PBX1: variants seen among roughly 807,000 people sequenced by gnomAD.
The protein encoded by PBX1 is pre-B-cell leukemia transcription factor 1.
In PBX1, 6 loss-of-function variants were observed where a neutral mutation model predicts 53.4. That is an observed-to-expected ratio of 0.11 (90% confidence interval 0.06 to 0.22). PBX1 has a LOEUF of 0.22. Among genes scored for constraint, PBX1 ranks in the 10% least tolerant of loss-of-function variants. The probability of loss-of-function intolerance (pLI) is 1.00; values close to 1 mark genes in which losing one functional copy is unlikely to be tolerated. For missense variants in PBX1, 251 were observed against 551.4 expected (o/e 0.46, Z 5.46); for synonymous variants, 204 against 212.3 (o/e 0.96, Z 0.34).
rs1667909180 is a variant in PBX1, at chr1:164,781,007, T to C, written c.266-11487T>C. Among the ~76,000 whole-genome samples the C allele has an allele frequency of 1.3e-5, 2 of 152,188 alleles. 1 individual carries two copies. The highest frequency in any genetic ancestry group is 4.1e-4 in the South Asian group (2 of 4,830). On this transcript the variant is annotated intron_variant, in intron 2 of 8. Transcript: ENST00000420696. ...CTGCTTTTCATGCAGCCTGTTTGCC[T>C]GTGTGTTCCGTGGCTCCTTGTGTCT... is the stretch of plus-strand genomic sequence containing the variant.
At chr1:164,885,400 G>T (rs1672754552) in intron 2 of PBX1, among the ~76,000 whole-genome samples, 1 of 152,186 alleles carries the variant, frequency 6.6e-6, no homozygotes, top group African/African-American at 2.4e-5. Context: ...CTGGAAGCAG[G>T]GATGGTGGAG....
intron 2 of PBX1, among the ~76,000 whole-genome samples, chr1:164,600,886 C>T (rs1471089541): frequency 6.6e-6 from 1 of 152,164 alleles, no homozygotes; most frequent in Non-Finnish European, 1.5e-5. Flanking sequence ...TTGTCATCTT[C>T]ATACCTGAGG....
chr1:164,798,617 C>T (rs1436363637), intron 3 of PBX1, among the ~76,000 whole-genome samples: 2 of 152,208 alleles, frequency 1.3e-5, no homozygotes, highest in African/African-American at 4.8e-5. Flanking sequence ...TGGAAATGTC[C>T]CTTCAGCTCT....
intron 6 of PBX1, chr1:164,814,621 T>G (rs1196690637): frequency 1.3e-5 from 2 of 152,298 alleles, no homozygotes; most frequent in Non-Finnish European, 2.9e-5. Context: ...GCACCTGTAG[T>G]TCCAGCTACT....
At chr1:164,846,329 G>C (rs1163518921) in intron 8 of PBX1, among the ~76,000 whole-genome samples, 1 of 152,124 alleles carries the variant, frequency 6.6e-6, no homozygotes, top group Non-Finnish European at 1.5e-5. Flanking sequence ...TAATTACAGA[G>C]TCTTTGGGAA....
At chr1:164,721,430 T>A (rs922457642) in intron 2 of PBX1, among the ~76,000 whole-genome samples, 1 of 133,206 alleles carries the variant, frequency 7.5e-6, no homozygotes, top group African/African-American at 3.0e-5. Context: ...GGCAGTGTAG[T>A]GTGTGTGTGT....
intron 2 of PBX1, among the ~76,000 whole-genome samples, chr1:164,576,574 T>C (rs1261197858): frequency 6.6e-6 from 1 of 152,184 alleles, no homozygotes; most frequent in Admixed American, 6.5e-5. Flanking sequence ...AAGCGGGGCT[T>C]GCTGTGTTTT....
chr1:164,746,732 A>G (rs1665915728), intron 2 of PBX1, among the ~76,000 whole-genome samples: 1 of 151,978 alleles, frequency 6.6e-6, no homozygotes, highest in Non-Finnish European at 1.5e-5. Context: ...TCTTATCTCG[A>G]TTTTTATCAG....
chr1:164,690,543 G>A (rs545832899), intron 2 of PBX1, among the ~76,000 whole-genome samples: 20 of 151,810 alleles, frequency 1.3e-4, no homozygotes, highest in Non-Finnish European at 2.4e-4. Context: ...GAAGCAGAAG[G>A]GTTGCTTGAG....
intron 2 of PBX1, among the ~76,000 whole-genome samples, chr1:164,867,602 C>T (rs950710606): frequency 6.6e-6 from 1 of 152,198 alleles, no homozygotes; most frequent in Non-Finnish European, 1.5e-5. Flanking sequence ...TGTCTTGATA[C>T]ACCTTTCCCA....
At chr1:164,832,444 T>C (rs1417171496) in intron 8 of PBX1, among the ~76,000 whole-genome samples, 1 of 152,232 alleles carries the variant, frequency 6.6e-6, no homozygotes, top group Admixed American at 6.5e-5. Flanking sequence ...CCTGCCTAGA[T>C]AGTGACCCAG....
At chr1:164,717,946 A>G (rs1466884605) in intron 2 of PBX1, among the ~76,000 whole-genome samples, 1 of 152,252 alleles carries the variant, frequency 6.6e-6, no homozygotes, top group Non-Finnish European at 1.5e-5. Context: ...TTTATTAAGC[A>G]TGTACTGTGT....
chr1:164,874,016 A>AG (rs1472429259), intron 2 of PBX1, among the ~76,000 whole-genome samples: 1 of 151,662 alleles, frequency 6.6e-6, no homozygotes, highest in Non-Finnish European at 1.5e-5. Context: ...AGAAAAAAAA[A>AG]AAAAGAAAAA....
At chr1:164,768,782 C>T (rs975354017) in intron 2 of PBX1, among the ~76,000 whole-genome samples, 2 of 152,154 alleles carry the variant, frequency 1.3e-5, no homozygotes, top group African/African-American at 2.4e-5. Context: ...TTAAGAAATC[C>T]ATTCATCACG....
chr1:164,700,747 T>C (rs1663072173), intron 2 of PBX1: 3 of 985,026 alleles, frequency 3.0e-6, no homozygotes, highest in Non-Finnish European at 3.6e-6. Context: ...CCAGTTTCAG[T>C]GAACAAGGTG....
chr1:164,818,440 C>T (rs374364945), intron 6 of PBX1: 35 of 152,282 alleles, frequency 2.3e-4, no homozygotes, highest in African/African-American at 7.9e-4. Context: ...CAGGACAAGT[C>T]GCAGAGCTAT....
chr1:164,764,302 A>G (rs895253285), intron 2 of PBX1, among the ~76,000 whole-genome samples: 1 of 152,222 alleles, frequency 6.6e-6, no homozygotes, highest in African/African-American at 2.4e-5. Flanking sequence ...TTTTTAAAGA[A>G]TAAGATGAAA....
chr1:164,712,791 C>T (rs767222453), intron 2 of PBX1, among the ~76,000 whole-genome samples: 24 of 152,170 alleles, frequency 1.6e-4, no homozygotes, highest in Non-Finnish European at 2.8e-4. Flanking sequence ...TTCCGTTCAG[C>T]GTCTCCGTGC....
At chr1:164,819,977 G>A in intron 6 of PBX1, 95 bp from the exon 7 acceptor site, 1 of 705,286 alleles carries the variant, frequency 1.4e-6, no homozygotes, top group East Asian at 2.5e-5. Context: ...TTTGGGGGGG[G>A]TTGCTTTGCA....
Sources: gnomAD v4.1 joint callset for allele counts (sites outside exome capture counted in the v4.1 genomes callset) on GRCh38, gnomAD v4.1.1 for gene constraint, MANE v1.5 for transcripts, NCBI Gene and HGNC (gene_info 2026-07-23, HGNC 2026-07-21) for gene names.